Variants in NRG1 observed in about 807,000 individuals in gnomAD.
NRG1 encodes the protein pro-neuregulin-1, membrane-bound isoform.
In NRG1, 18 loss-of-function variants were observed where a neutral mutation model predicts 63.8. The observed-to-expected ratio is 0.28, with a 90% CI of 0.19 to 0.42. The LOEUF is 0.42. Ranked by LOEUF, NRG1 falls within the 10% of genes least tolerant of loss-of-function variation. The probability of loss-of-function intolerance (pLI) is 1.00; values close to 1 mark genes in which losing one functional copy is unlikely to be tolerated. For synonymous variants in NRG1, 302 were observed against 301.3 expected, an observed-to-expected ratio of 1.00 and a Z score of -0.02; for missense variants, 762 against 814.7, an observed-to-expected ratio of 0.94 and a Z score of 0.79.
In NRG1 at chr8:32,018,789, T is replaced by C. The variant is rs192848568; in HGVS notation, c.37+379358T>C. On this transcript the variant is annotated intron_variant, in intron 1 of 10. Transcript: ENST00000519301. ...TAGAAGTGGAATTGCTATAGGTAGA[T>C]GTATATTTAGCTTTAATTGATACTG... Among the ~76,000 whole-genome samples, 680 of 152,354 alleles carry C rather than the reference T, an allele frequency of 4.5e-3. 9 individuals carry two copies. The highest frequency in any genetic ancestry group is 0.016 in the African/African-American group (645 of 41,588).
exon 9 of NRG1, chr8:32,756,441 G>C: frequency 2.2e-5 from 35 of 1,613,716 alleles, no homozygotes; most frequent in Non-Finnish European, 3.0e-5. Flanking sequence ...CTTCGGCAGA[G>C]CCTTCGGTCT....
chr8:32,533,104 C>G (rs534908646), intron 1 of NRG1, among the ~76,000 whole-genome samples: 1 of 151,538 alleles, frequency 6.6e-6, no homozygotes, highest in African/African-American at 2.4e-5. Context: ...AATTACGGTC[C>G]ATAACACTTG....
Position 32,461,638 on chromosome 8 carries a change from C to T in NRG1, c.38-134190C>T, listed in dbSNP as rs538259659. 6.6e-5 allele frequency among the ~76,000 whole-genome samples: 10 copies of T among 152,160 alleles called. No individual in the cohort carries two copies. The South Asian group carries it at 1.9e-3, about 28-fold the overall frequency. On this transcript the variant is annotated intron_variant, in intron 1 of 10. Transcript: ENST00000519301. ...ACCTAGGAGGCGGAGGTTGAAATGACTCTAGATCATGCCGTTGCACTCCAG... is the reference window on the plus strand; with the variant it reads ...ACCTAGGAGGCGGAGGTTGAAATGATTCTAGATCATGCCGTTGCACTCCAG...
chr8:32,167,215 A>G (rs1839496035), intron 1 of NRG1, among the ~76,000 whole-genome samples: 1 of 152,208 alleles, frequency 6.6e-6, no homozygotes, highest in African/African-American at 2.4e-5. Flanking sequence ...AGATAGGCAT[A>G]TTAAAATGGC....
chr8:31,996,148 C>T (rs893473177), intron 1 of NRG1, among the ~76,000 whole-genome samples: 2 of 151,644 alleles, frequency 1.3e-5, no homozygotes, highest in African/African-American at 4.8e-5. Context: ...TTTGTCTTTC[C>T]ATTTAACAGG....
chr8:32,345,516 G>A lies in NRG1; in HGVS notation c.38-250312G>A, dbSNP rs1280759261. ...GAGTGCCTCAACTGTTCCTATACAG[G>A]CCAGTGGAGTCAGAGCCTTAAAAAG... On this transcript the variant is annotated intron_variant, in intron 1 of 10. Coordinates refer to the NRG1 transcript ENST00000519301. Among the ~76,000 whole-genome samples the A allele has an allele frequency of 3.3e-5, 5 of 152,240 alleles. No homozygotes were observed. The East Asian group carries it at 9.7e-4, about 29-fold the overall frequency.
intron 1 of NRG1, among the ~76,000 whole-genome samples, chr8:32,461,844 C>A (rs73577971): frequency 6.6e-6 from 1 of 152,236 alleles, no homozygotes; most frequent in African/African-American, 2.4e-5. Context: ...CCAAATAGTT[C>A]GAATAGAATA....
At chr8:31,987,308 A>C (rs1293080996) in intron 1 of NRG1, among the ~76,000 whole-genome samples, 2 of 132,580 alleles carry the variant, frequency 1.5e-5, no homozygotes, top group East Asian at 2.0e-4. Flanking sequence ...AAAAAAAAAA[A>C]AAAACATATA....
chr8:32,665,187 C>A (rs1396821503), intron 5 of NRG1, among the ~76,000 whole-genome samples: 1 of 152,068 alleles, frequency 6.6e-6, no homozygotes, highest in Non-Finnish European at 1.5e-5. Flanking sequence ...ATGGAAATTA[C>A]AAGTGAAATT....
upstream of NRG1, among the ~76,000 whole-genome samples, chr8:32,545,444 G>T (rs1167810887): frequency 6.6e-6 from 1 of 151,558 alleles, no homozygotes; most frequent in Non-Finnish European, 1.5e-5. Flanking sequence ...AAACCATTAA[G>T]ATATGTCATC....
At chr8:32,599,329 A>C (rs1296998560) in intron 2 of NRG1, among the ~76,000 whole-genome samples, 1 of 152,068 alleles carries the variant, frequency 6.6e-6, no homozygotes, top group African/African-American at 2.4e-5. Context: ...TCTTTAATTA[A>C]ATACTTTGAC....
chr8:31,699,704 C>CT (rs34131043), intron 1 of NRG1, among the ~76,000 whole-genome samples: 43,907 of 147,708 alleles, frequency 0.3, 7,247 homozygotes, highest in Non-Finnish European at 0.36. Context: ...TTTTTCCTTC[C>CT]TTTTTTTAAA....
At chr8:32,352,549 T>G (rs1259745691) in intron 1 of NRG1, among the ~76,000 whole-genome samples, 2 of 151,990 alleles carry the variant, frequency 1.3e-5, no homozygotes, top group Non-Finnish European at 2.9e-5. Flanking sequence ...ATTGAACAAA[T>G]GAAGAAAGGG....
Position 32,260,084 on chromosome 8 carries a change from C to T in NRG1, c.38-335744C>T, listed in dbSNP as rs112663930. 1.8e-3 allele frequency among the ~76,000 whole-genome samples: 275 copies of T among 152,258 alleles called. 3 individuals are homozygous for T. Among genetic ancestry groups the T allele is most frequent in the African/African-American group, 6.2e-3 (257 of 41,558 alleles). ...GATAAAATGAGTGATACTGGGACAC[C>T]ATTGTCATACACACCTCCAAACCTG... On this transcript the variant is annotated intron_variant, in intron 1 of 10. Transcript: ENST00000519301.
chr8:32,762,098 G>C (rs2129060287), intron 11 of NRG1, among the ~76,000 whole-genome samples: 1 of 148,506 alleles, frequency 6.7e-6, no homozygotes, highest in South Asian at 2.2e-4. Context: ...ACTTCTTCAA[G>C]GGCCTTTCCC....
At chr8:32,298,853 C>A (rs1282261387) in intron 1 of NRG1, among the ~76,000 whole-genome samples, 3 of 150,854 alleles carry the variant, frequency 2.0e-5, no homozygotes, top group Admixed American at 2.0e-4. Flanking sequence ...ATTGTGAAAC[C>A]CCGTCTCTAC....
chr8:32,744,776 A>C (rs796498569), intron 7 of NRG1, among the ~76,000 whole-genome samples: 9 of 152,294 alleles, frequency 5.9e-5, no homozygotes, highest in African/African-American at 2.2e-4. Context: ...ATAATTATGT[A>C]GTTAGATCTG....
intron 1 of NRG1, among the ~76,000 whole-genome samples, chr8:32,351,244 G>A (rs532812779): frequency 6.6e-6 from 1 of 152,198 alleles, no homozygotes; most frequent in South Asian, 2.1e-4. Context: ...TATTAGAGTT[G>A]ACAGAATACT....
chr8:32,026,023 A>G (rs1817252283), intron 1 of NRG1, among the ~76,000 whole-genome samples: 2 of 148,684 alleles, frequency 1.3e-5, no homozygotes, highest in African/African-American at 2.5e-5. Context: ...TATTAGTTTT[A>G]TCAGTTAGGT....
Sources: gnomAD v4.1 joint callset for allele counts (sites outside exome capture counted in the v4.1 genomes callset) on GRCh38, gnomAD v4.1.1 for gene constraint, MANE v1.5 for transcripts, NCBI Gene and HGNC (gene_info 2026-07-23, HGNC 2026-07-21) for gene names.